Variants in TEC observed in about 807,000 individuals in gnomAD.
TEC encodes tec protein tyrosine kinase.
In TEC, 72 loss-of-function variants were observed where a neutral mutation model predicts 93.0. The observed-to-expected ratio is 0.77, with a 90% CI of 0.64 to 0.94. The LOEUF is 0.94. Among genes scored for constraint, TEC ranks in the 40% least tolerant of loss-of-function variants. The pLI, the probability that TEC is intolerant of heterozygous loss-of-function variation, is 0.00. For missense variants in TEC, 630 were observed against 757.9 expected (o/e 0.83, Z 1.98); for synonymous variants, 249 against 247.7 (o/e 1.01, Z -0.05).
intron 1 of TEC, among the ~76,000 whole-genome samples, chr4:48,265,520 T>A (rs796528990): frequency 0.32 from 42,850 of 132,162 alleles, 6,813 homozygotes; most frequent in Middle Eastern, 0.4. Context: ...TATATATTTT[T>A]TTTTTTTTTT....
chr4:48,139,524 C>T (rs1014820471), intron 15 of TEC, among the ~76,000 whole-genome samples: 3 of 152,050 alleles, frequency 2.0e-5, no homozygotes, highest in Non-Finnish European at 4.4e-5. Flanking sequence ...AACAAAAACA[C>T]AACACAAAAT....
intron 2 of TEC, among the ~76,000 whole-genome samples, chr4:48,203,120 T>C (rs1288319720): frequency 6.6e-6 from 1 of 152,040 alleles, no homozygotes; most frequent in Non-Finnish European, 1.5e-5. Flanking sequence ...TCTCAACACT[T>C]TGGGAGGCTG....
intron 2 of TEC, among the ~76,000 whole-genome samples, chr4:48,177,299 G>C (rs1721370000): frequency 6.6e-6 from 1 of 152,154 alleles, no homozygotes; most frequent in Non-Finnish European, 1.5e-5. Context: ...CCACACAAAA[G>C]TTGCATAAAG....
chr4:48,196,925 C>A (rs1033447296), intron 2 of TEC, among the ~76,000 whole-genome samples: 1 of 152,112 alleles, frequency 6.6e-6, no homozygotes. Flanking sequence ...AGTATGAAAC[C>A]AATACTGAGC....
chr4:48,225,659 G>T (rs1185939741), intron 2 of TEC, among the ~76,000 whole-genome samples: 1 of 152,020 alleles, frequency 6.6e-6, no homozygotes, highest in Admixed American at 6.6e-5. Flanking sequence ...AGCACTGTCA[G>T]AACTTTTGTT....
In TEC at chr4:48,177,499, G is replaced by C. The variant is rs550600116; in HGVS notation, c.139-1313C>G. Among the ~76,000 whole-genome samples the C allele has an allele frequency of 2.0e-5, 3 of 152,200 alleles. No homozygotes were observed. In the East Asian group the frequency reaches 5.8e-4, roughly 29 times the overall value. ...TTTGGGGTCCCCACCCCACTCCCAG[G>C]AACCTGCTCTGCATCCTCATTGTCA... On this transcript the variant is annotated intron_variant, in intron 2 of 17. Coordinates refer to ENST00000381501, the MANE Select transcript of TEC (RefSeq NM_003215.3).
chr4:48,220,996 G>A (rs1723239982), intron 2 of TEC, among the ~76,000 whole-genome samples: 1 of 152,194 alleles, frequency 6.6e-6, no homozygotes, highest in South Asian at 2.1e-4. Flanking sequence ...TACATATGGA[G>A]GTTCCCACAA....
rs1719433429 is a variant in TEC, at chr4:48,136,639, T to G, written c.*777A>C. On this transcript the variant is annotated 3_prime_UTR_variant, in exon 18 of 18. Transcript: ENST00000381501. Reference sequence around the variant, plus strand: ...GCATCCCCAGACACATTTACCTGAGTGAGGAGGGGGCGTTACTCATAGAAG... The same window carrying G: ...GCATCCCCAGACACATTTACCTGAGGGAGGAGGGGGCGTTACTCATAGAAG... 2 of 151,928 alleles carry G rather than the reference T, an allele frequency of 1.3e-5. No individual in the cohort carries two copies. The highest frequency in any genetic ancestry group is 4.2e-4 in the South Asian group (2 of 4,818). The allele number at this position is 151,928 out of a possible 1,614,324, so 9.4% of individuals were successfully genotyped here.
At chr4:48,145,704 C>G in intron 12 of TEC, 125 bp from the exon 13 acceptor site, 1 of 1,067,248 alleles carries the variant, frequency 9.4e-7, no homozygotes, top group South Asian at 1.5e-5. Flanking sequence ...GTAATAATTC[C>G]TGGTAAAACA....
At chr4:48,253,983 TC>T (rs1218626831) in intron 1 of TEC, among the ~76,000 whole-genome samples, 1 of 152,190 alleles carries the variant, frequency 6.6e-6, no homozygotes, top group Admixed American at 6.5e-5. Flanking sequence ...ATGTATCTGC[TC>T]GAGTTGTTCT....
At chr4:48,218,762 T>C (rs1258807469) in intron 2 of TEC, among the ~76,000 whole-genome samples, 1 of 152,132 alleles carries the variant, frequency 6.6e-6, no homozygotes, top group African/African-American at 2.4e-5. Flanking sequence ...AAAACCAATA[T>C]GACCCAGGAG....
Position 48,163,636 on chromosome 4 carries a change from C to T in TEC, c.737+66G>A, listed in dbSNP as rs1228365219. ...AAGATATCCATTAATCTTCAAAATG[C>T]CTTACATAATTAGGAAAATGAAAAG... On this transcript the variant is annotated intron_variant, in intron 8 of 17. Coordinates refer to ENST00000381501, the MANE Select transcript of TEC (RefSeq NM_003215.3). 2.2e-5 allele frequency: 23 copies of T among 1,043,634 alleles called. No homozygotes were observed. The East Asian group carries it at 3.8e-4, about 17-fold the overall frequency. 64.6% of individuals were successfully genotyped at this position (1,043,634 alleles called of 1,614,324 possible).
At chr4:48,199,451 C>CTTTTTTTTTTTTT (rs1560404992) in intron 2 of TEC, among the ~76,000 whole-genome samples, 1 of 74,294 alleles carries the variant, frequency 1.3e-5, no homozygotes. Context: ...AAAGGATTTT[C>CTTTTTTTTTTTTT]TTTCTTTTTT....
At chr4:48,210,331 C>CA (rs1347743296) in intron 2 of TEC, among the ~76,000 whole-genome samples, 2 of 151,824 alleles carry the variant, frequency 1.3e-5, no homozygotes, top group Non-Finnish European at 2.9e-5. Context: ...AAACTAAAAA[C>CA]AAAAAATTAG....
At chr4:48,168,521 C>T in intron 6 of TEC, 65 bp downstream of exon 6, 1 of 1,554,024 alleles carries the variant, frequency 6.4e-7, no homozygotes, top group African/African-American at 1.4e-5. Flanking sequence ...ACAAACACTA[C>T]CAAAACTTAA....
intron 7 of TEC, among the ~76,000 whole-genome samples, chr4:48,164,775 G>A (rs1346656939): frequency 6.6e-6 from 1 of 152,178 alleles, no homozygotes; most frequent in Non-Finnish European, 1.5e-5. Flanking sequence ...GCCAAGGCAA[G>A]CAGATCACTT....
intron 1 of TEC, among the ~76,000 whole-genome samples, chr4:48,269,483 G>A (rs1724728952): frequency 6.6e-6 from 1 of 152,258 alleles, no homozygotes; most frequent in African/African-American, 2.4e-5. Context: ...GGAGAGGTCA[G>A]TGCGGGAGTT....
intron 2 of TEC, among the ~76,000 whole-genome samples, chr4:48,217,434 C>A (rs1045954016): frequency 6.6e-6 from 1 of 152,118 alleles, no homozygotes; most frequent in African/African-American, 2.4e-5. Flanking sequence ...TCCTAGTGAA[C>A]CATGCTACAA....
chr4:48,265,627 C>T (rs1724622710), intron 1 of TEC, among the ~76,000 whole-genome samples: 1 of 151,470 alleles, frequency 6.6e-6, no homozygotes, highest in Non-Finnish European at 1.5e-5. Flanking sequence ...ATTCTCCTGC[C>T]TCAGCCTCCT....
Sources: allele counts gnomAD v4.1 joint callset (sites outside exome capture counted in the v4.1 genomes callset), GRCh38; gene constraint gnomAD v4.1.1; transcripts MANE v1.5; gene names NCBI Gene and HGNC (gene_info 2026-07-23, HGNC 2026-07-21).